ZC3HAV1: variants seen among roughly 807,000 people sequenced by gnomAD.
ZC3HAV1 encodes zinc finger CCCH-type containing, antiviral 1.
In ZC3HAV1, 41 loss-of-function variants were observed where a neutral mutation model predicts 86.6. The ratio of observed to expected loss-of-function variants is 0.47; its 90% CI spans 0.37 to 0.61. The LOEUF (loss-of-function observed/expected upper bound fraction) is 0.61. ZC3HAV1 is among the 20% of genes least tolerant of loss of function. The probability of loss-of-function intolerance (pLI) is 0.00; values close to 1 mark genes in which losing one functional copy is unlikely to be tolerated. For missense variants in ZC3HAV1, 964 were observed against 1,141.1 expected, an observed-to-expected ratio of 0.84 and a Z score of 2.24; for synonymous variants, 421 against 432.1, an observed-to-expected ratio of 0.97 and a Z score of 0.32.
rs1214039926 is a variant in ZC3HAV1 at position 139,097,414 on chromosome 7, A to ATT, written c.309-7656_309-7655insAA. ...ATATTGGAACTCCATATATATATATATATATATATATATATTTTTTTTTTT... is the reference window on the plus strand; with the variant it reads ...ATATTGGAACTCCATATATATATATATTTATATATATATATATTTTTTTTTTT... On this transcript the variant is annotated intron_variant, in intron 1 of 12. Transcript: ENST00000242351. Among the ~76,000 whole-genome samples, 145 of 75,586 alleles carry ATT rather than the reference A, an allele frequency of 1.9e-3. 4 individuals are homozygous for ATT. Among genetic ancestry groups the ATT allele is most frequent in the Non-Finnish European group, 2.5e-3 (109 of 43,552 alleles). The allele number at this position is 75,586 out of a possible 152,430, so 49.6% of individuals were successfully genotyped here.
chr7:139,083,979 T>C lies in ZC3HAV1; in HGVS notation c.498A>G (p.Pro166=). ...EGRQQICNQQ[P]PCSRLHICDH... ...CACAGATGTGGAGTCTTGAACACGG[T>C]GGCTGCTGGTTACAAATCTGCTGCC... Residue 166 remains proline (P), a synonymous_variant, in exon 3 of 13, where the codon CCA becomes CCG. Transcript: ENST00000242351. 6.2e-7 allele frequency: 1 copy of C among 1,614,180 alleles called. No individual in the cohort carries two copies. The highest frequency in any genetic ancestry group is 1.1e-5 in the South Asian group (1 of 91,078).
chr7:139,085,603 TG>T (rs1176746840), intron 2 of ZC3HAV1, among the ~76,000 whole-genome samples: 1 of 152,222 alleles, frequency 6.6e-6, no homozygotes, highest in African/African-American at 2.4e-5. Flanking sequence ...CATTTCACTG[TG>T]GTCCCCATCT....
At chr7:139,097,092 C>T (rs573883029) in intron 1 of ZC3HAV1, among the ~76,000 whole-genome samples, 113 of 151,384 alleles carry the variant, frequency 7.5e-4, no homozygotes, top group African/African-American at 2.6e-3. Flanking sequence ...GAGCAGAGAT[C>T]GTGCCACTGC....
chr7:139,085,329 A>G (rs925235994), intron 2 of ZC3HAV1, among the ~76,000 whole-genome samples: 4 of 152,246 alleles, frequency 2.6e-5, no homozygotes, highest in African/African-American at 9.6e-5. Flanking sequence ...CCTTCATTAG[A>G]CCAGAACAAA....
At chr7:139,063,245 C>T (rs1326022553) in intron 8 of ZC3HAV1, among the ~76,000 whole-genome samples, 1 of 94,940 alleles carries the variant, frequency 1.1e-5, no homozygotes, top group Non-Finnish European at 1.9e-5. Context: ...TACAATACCA[C>T]CTAAGAATTT....
At chr7:139,055,055 G>T in intron 10 of ZC3HAV1, 150 bp downstream of exon 10, 2 of 624,524 alleles carry the variant, frequency 3.2e-6, no homozygotes, top group Non-Finnish European at 5.4e-6. Flanking sequence ...CTCCCAAAAT[G>T]CTAGGATTAC....
chr7:139,069,779 C>T (rs1169605436), intron 7 of ZC3HAV1, among the ~76,000 whole-genome samples: 1 of 152,222 alleles, frequency 6.6e-6, no homozygotes, highest in Admixed American at 6.5e-5. Context: ...GAAGTTTCTA[C>T]TCCTCACGTT....
At chr7:139,054,459 C>G (rs1407595953) in intron 10 of ZC3HAV1, among the ~76,000 whole-genome samples, 1 of 152,198 alleles carries the variant, frequency 6.6e-6, no homozygotes, top group Non-Finnish European at 1.5e-5. Flanking sequence ...CATGGGGAGG[C>G]TAAGCAATCT....
intron 7 of ZC3HAV1, among the ~76,000 whole-genome samples, chr7:139,065,694 A>T (rs1816580237): frequency 6.6e-6 from 1 of 152,134 alleles, no homozygotes; most frequent in Non-Finnish European, 1.5e-5. Flanking sequence ...TCACGAGGTC[A>T]AGAGATCGAG....
At chr7:139,097,428 A>ATTTTTTTT (rs11291842) in intron 1 of ZC3HAV1, among the ~76,000 whole-genome samples, 11 of 48,156 alleles carry the variant, frequency 2.3e-4, no homozygotes, top group African/African-American at 9.1e-4. Context: ...ATATATATAT[A>ATTTTTTTT]TTTTTTTTTT....
chr7:139,076,223 G>A, intron 6 of ZC3HAV1, 63 bp downstream of exon 6: 1 of 1,609,216 alleles, frequency 6.2e-7, no homozygotes, highest in Admixed American at 1.7e-5. Flanking sequence ...CCTGAGCCTA[G>A]CACTAATGCT....
In ZC3HAV1 at chr7:139,109,402, C is replaced by A; in HGVS notation, c.-71G>T. 3 of 1,461,466 alleles carry A rather than the reference C, an allele frequency of 2.1e-6. No individual in the cohort carries two copies. The highest frequency in any genetic ancestry group is 2.7e-6 in the Non-Finnish European group (3 of 1,108,690). The allele number at this position is 1,461,466 out of a possible 1,614,324, so 90.5% of individuals were successfully genotyped here. A position where few individuals can be genotyped will look rare whatever the true frequency, so the allele number is the denominator to read the frequency against. On this transcript the variant is annotated 5_prime_UTR_variant, in exon 1 of 13. Transcript: ENST00000242351. ...CGCGGAAATCGGAAATCGAAACTTA[C>A]AAGTGTCCAGGGGCGGGCGCGGGCG...
rs1425115120 is a variant in ZC3HAV1 at position 139,083,893 on chromosome 7, T to C, written c.584A>G (p.Asp195Gly). 1 of 1,614,122 alleles carries C rather than the reference T, an allele frequency of 6.2e-7. No homozygotes were observed. The change falls in exon 3 of 13, where the codon GAC becomes GGC. Residue 195 changes from aspartate (D) to glycine (G), a missense_variant. By Grantham distance (94) the Asp-to-Gly change is moderately conservative (BLOSUM62 -1). Coordinates refer to ENST00000242351, the MANE Select transcript of ZC3HAV1 (RefSeq NM_020119.4). Reference sequence around the variant, plus strand: ...CCTCATGATGGCCAGCACCTTTCTGTCCATCAGGTTATGGGACCGGAGGCA... The same window carrying C: ...CCTCATGATGGCCAGCACCTTTCTGCCCATCAGGTTATGGGACCGGAGGCA... ...PNCLRSHNLM[D>G]RKVLAIMREH...
intron 1 of ZC3HAV1, among the ~76,000 whole-genome samples, chr7:139,097,474 G>A (rs1419721951): frequency 6.6e-5 from 8 of 120,952 alleles, no homozygotes; most frequent in Admixed American, 2.0e-4. Flanking sequence ...TCGCTCTGTC[G>A]CCCAGGCTGG....
intron 1 of ZC3HAV1, among the ~76,000 whole-genome samples, chr7:139,097,967 T>C (rs1428383513): frequency 6.6e-6 from 1 of 152,008 alleles, no homozygotes. Context: ...TTTTTTAAGA[T>C]GGAGTCTCAC....
chr7:139,080,302 G>C, intron 3 of ZC3HAV1, 59 bp from the exon 4 acceptor site: 1 of 1,594,784 alleles, frequency 6.3e-7, no homozygotes. Flanking sequence ...TAATGTGACT[G>C]AGTTCCTACC....
In ZC3HAV1 at chr7:139,108,958, T is replaced by C. The variant is rs996085571; in HGVS notation, c.308+66A>G. On this transcript the variant is annotated intron_variant, in intron 1 of 12. Transcript: ENST00000242351. This position sits in a 1 kb window ranked among gnomAD's most constrained non-coding sequence, Gnocchi z 4.2. The stretch of plus-strand genomic sequence containing the variant: ...CGAAGCCGTGCCCCTCCCAGAACAT[T>C]GCCCGCCTGGACAGTCCACCCCGAC... The C allele has an allele frequency of 4.1e-6, 6 of 1,472,062 alleles. No individual in the cohort carries two copies. Among genetic ancestry groups the C allele is most frequent in the Non-Finnish European group, 5.4e-6 (6 of 1,101,706 alleles). The allele number at this position is 1,472,062 out of a possible 1,614,324, so 91.2% of individuals were successfully genotyped here.
intron 1 of ZC3HAV1, among the ~76,000 whole-genome samples, chr7:139,095,988 G>A (rs1448681424): frequency 6.6e-6 from 1 of 151,212 alleles, no homozygotes; most frequent in Non-Finnish European, 1.5e-5. Flanking sequence ...GCCGCAGGTG[G>A]TGGCGTTACT....
At position 139,108,367 on chromosome 7, in the gene ZC3HAV1, G is replaced by A. The variant is rs1259512912; in HGVS notation, c.308+657C>T. 6.6e-6 allele frequency among the ~76,000 whole-genome samples: 1 copy of A among 152,078 alleles called. No individual in the cohort carries two copies. The highest frequency in any genetic ancestry group is 2.4e-5 in the African/African-American group (1 of 41,406). ...ATTTAAGAGAGTTGTCCCAAGGCAG[G>A]CGGTCAACTGCGCGCGCCACCGTAG... On this transcript the variant is annotated intron_variant, in intron 1 of 12. Coordinates refer to ENST00000242351, the MANE Select transcript of ZC3HAV1 (RefSeq NM_020119.4). This position sits in a 1 kb window ranked among gnomAD's most constrained non-coding sequence, Gnocchi z 4.2.
Sources: gnomAD v4.1 joint callset for allele counts (sites outside exome capture counted in the v4.1 genomes callset) on GRCh38, gnomAD v4.1.1 for gene constraint, Gnocchi (gnomAD v3.1) non-coding constraint, MANE v1.5 for transcripts, NCBI Gene and HGNC (gene_info 2026-07-23, HGNC 2026-07-21) for gene names.